ADAMTS20: variants seen among roughly 807,000 people sequenced by gnomAD.
ADAMTS20 encodes the protein ADAM metallopeptidase with thrombospondin type 1 motif 20.
A neutral mutation model predicts 260.1 loss-of-function variants in ADAMTS20; 225 were observed. That is an observed-to-expected ratio of 0.87 (90% CI 0.78 to 0.97). The LOEUF (loss-of-function observed/expected upper bound fraction) is 0.97, where lower values mean the gene tolerates loss of function less well. ADAMTS20 is among the 50% of genes least tolerant of loss of function. The pLI is 0.00. For synonymous variants in ADAMTS20, 802 were observed against 769.5 expected (o/e 1.04, Z -0.70); for missense variants, 2,400 against 2,337.7 (o/e 1.03, Z -0.55).
At chr12:43,386,096 A>G (rs539853874) in intron 29 of ADAMTS20, among the ~76,000 whole-genome samples, 2 of 152,164 alleles carry the variant, frequency 1.3e-5, no homozygotes, top group East Asian at 3.9e-4. Flanking sequence ...AATCTTTTCA[A>G]AAAAACAGGT....
chr12:43,425,131 A>G (rs1454078806), intron 28 of ADAMTS20, among the ~76,000 whole-genome samples: 2 of 152,216 alleles, frequency 1.3e-5, no homozygotes, highest in South Asian at 2.1e-4. Context: ...ATTGGATACC[A>G]TTATCCTCAG....
chr12:43,461,416 T>G (rs1942063507), intron 11 of ADAMTS20, among the ~76,000 whole-genome samples: 1 of 152,182 alleles, frequency 6.6e-6, no homozygotes, highest in Non-Finnish European at 1.5e-5. Context: ...TACTCATATA[T>G]ACCTTAATTT....
At chr12:43,458,901 A>G (rs1942012050) in intron 11 of ADAMTS20, among the ~76,000 whole-genome samples, 1 of 152,174 alleles carries the variant, frequency 6.6e-6, no homozygotes, top group Non-Finnish European at 1.5e-5. Flanking sequence ...CTTAGCTCAC[A>G]CCCAACCAAT....
chr12:43,479,482 A>G (rs1942410037), intron 7 of ADAMTS20, among the ~76,000 whole-genome samples: 1 of 152,180 alleles, frequency 6.6e-6, no homozygotes, highest in African/African-American at 2.4e-5. Context: ...AATAGATCAC[A>G]TTCTCTAACT....
intron 3 of ADAMTS20, among the ~76,000 whole-genome samples, chr12:43,512,219 A>G (rs115147027): frequency 0.041 from 6,114 of 149,450 alleles, 383 homozygotes; most frequent in African/African-American, 0.14. Flanking sequence ...TCATAATTTT[A>G]TATAAGATAA....
Position 43,423,227 on chromosome 12 carries a change from G to A in ADAMTS20, c.4284+2287C>T, listed in dbSNP as rs777591760. On this transcript the variant is annotated intron_variant, in intron 28 of 38. Transcript: ENST00000389420. ...TCTATTGCAACTAATCAATGCTACT[G>A]CTGTAGTGCAAAACCAGCCATAGAT... The A allele has an allele frequency of 1.9e-4, 29 of 153,412 alleles. 1 individual carries two copies. Among genetic ancestry groups the A allele is most frequent in the Non-Finnish European group, 3.9e-4 (27 of 68,918 alleles). The allele number at this position is 153,412 out of a possible 1,614,324, so 9.5% of individuals were successfully genotyped here.
chr12:43,539,782 G>A (rs1239785895), intron 2 of ADAMTS20, among the ~76,000 whole-genome samples: 2 of 152,198 alleles, frequency 1.3e-5, no homozygotes, highest in East Asian at 3.9e-4. Flanking sequence ...TATACTAATA[G>A]ACATAAGGCA....
intron 4 of ADAMTS20, among the ~76,000 whole-genome samples, chr12:43,495,150 C>T (rs1337235943): frequency 6.6e-6 from 1 of 152,028 alleles, no homozygotes; most frequent in African/African-American, 2.4e-5. Context: ...AGATGCTGCA[C>T]CTTTATTTAA....
chr12:43,366,230 C>T (rs1939983104), intron 37 of ADAMTS20, among the ~76,000 whole-genome samples: 1 of 151,582 alleles, frequency 6.6e-6, no homozygotes, highest in African/African-American at 2.4e-5. Context: ...AAAAACATTA[C>T]TGTAGATAAA....
At chr12:43,533,596 T>C (rs1943255950) in intron 2 of ADAMTS20, among the ~76,000 whole-genome samples, 1 of 39,248 alleles carries the variant, frequency 2.5e-5, no homozygotes, top group African/African-American at 8.3e-5. Context: ...AAGCTACCAA[T>C]GACTTTCTTC....
At chr12:43,501,481 G>GCACACACACACACACA (rs3036317) in intron 4 of ADAMTS20, among the ~76,000 whole-genome samples, 2,984 of 117,644 alleles carry the variant, frequency 0.025, 62 homozygotes, top group East Asian at 0.075. Flanking sequence ...GCGCGCGCGC[G>GCACACACACACACACA]CACACACACA....
At chr12:43,425,406 C>T in intron 28 of ADAMTS20, 108 bp downstream of exon 28, 1 of 992,740 alleles carries the variant, frequency 1.0e-6, no homozygotes, top group Non-Finnish European at 1.4e-6. Flanking sequence ...TGCACATGTA[C>T]CCCTGAATGT....
At chr12:43,430,239 G>T (rs10880489) in intron 23 of ADAMTS20, 113 bp downstream of exon 23, 445,486 of 1,289,922 alleles carry the variant, frequency 0.35, 80,881 homozygotes, top group East Asian at 0.72. Flanking sequence ...ACATACACGT[G>T]TTTAAGGCAT....
chr12:43,452,365 G>T lies in ADAMTS20; in HGVS notation c.1988C>A (p.Thr663Asn). Residue 663 changes from threonine (T) to asparagine (N), a missense_variant, in exon 14 of 39, where the codon ACC (threonine) becomes AAC (asparagine). By Grantham distance (65) the Thr-to-Asn change is moderately conservative. Transcript: ENST00000389420. The part of the protein sequence containing the change: ...RCKLYCQVAG[T>N]NYFYLLKDMV... Reference sequence around the variant, plus strand: ...ATCCTTCAATAGGTAGAAATAATTGGTTCCAGCAACCTGACAATAGAGTTT... The same window carrying T: ...ATCCTTCAATAGGTAGAAATAATTGTTTCCAGCAACCTGACAATAGAGTTT... 6.2e-7 allele frequency: 1 copy of T among 1,613,250 alleles called. No homozygotes were observed. Among genetic ancestry groups the T allele is most frequent in the Non-Finnish European group, 8.5e-7 (1 of 1,179,588 alleles).
chr12:43,428,560 T>C (rs1592063383), intron 25 of ADAMTS20, 29 bp from the exon 26 acceptor site: 1 of 1,563,580 alleles, frequency 6.4e-7, no homozygotes, highest in Non-Finnish European at 8.7e-7. Flanking sequence ...AATGGTAATA[T>C]ACAACATTAA....
rs534159250 is a variant in ADAMTS20, at chr12:43,464,965, C to T, written c.1368-233G>A. ...CATGTTTGCACTTAATCCCCACAAC[C>T]ATCTTGAAGGTGGCAATTTTAAAAA... On this transcript the variant is annotated intron_variant, in intron 9 of 38. Transcript: ENST00000389420. 2.6e-5 allele frequency among the ~76,000 whole-genome samples: 4 copies of T among 152,192 alleles called. No homozygotes were observed. The South Asian group carries it at 8.3e-4, about 32-fold the overall frequency.
Position 43,452,595 on chromosome 12 carries a change from G to A in ADAMTS20, c.1861C>T (p.Gln621Ter). 6.2e-7 allele frequency: 1 copy of A among 1,613,404 alleles called. No homozygotes were observed. The highest frequency in any genetic ancestry group is 8.5e-7 in the Non-Finnish European group (1 of 1,179,714). ...PKGTQDFREK[Q>*]CSDFNGKHLD... ...TGTTTACCATTAAAATCAGAGCACT[G>A]CTTCTCTCGAAAGTCTTGTGTGCCT... The change falls in exon 13 of 39, where the codon CAG (glutamine) becomes TAG (stop). Residue 621 changes from glutamine (Q) to a stop codon, truncating the protein, a stop_gained. Coordinates refer to ENST00000389420, the MANE Select transcript of ADAMTS20 (RefSeq NM_025003.5). LOFTEE classifies it high-confidence loss of function.
At chr12:43,485,249 A>T (rs545742450) in intron 7 of ADAMTS20, among the ~76,000 whole-genome samples, 1 of 152,186 alleles carries the variant, frequency 6.6e-6, no homozygotes, top group Non-Finnish European at 1.5e-5. Context: ...TTTAATTCTA[A>T]GAATGCAGGG....
At chr12:43,504,965 G>A (rs1367157268) in intron 3 of ADAMTS20, among the ~76,000 whole-genome samples, 19 of 152,062 alleles carry the variant, frequency 1.2e-4, no homozygotes. Context: ...TCCACCCCTA[G>A]GTATTTATCT....
Sources: allele counts gnomAD v4.1 joint callset (sites outside exome capture counted in the v4.1 genomes callset), GRCh38; gene constraint gnomAD v4.1.1; transcripts MANE v1.5; gene names NCBI Gene and HGNC (gene_info 2026-07-23, HGNC 2026-07-21).